The following CRYZL1 variants were observed in gnomAD, a reference collection of about 807,000 sequenced individuals.
The protein encoded by CRYZL1 is ferry endosomal RAB5 effector complex subunit 4.
CRYZL1 carries 34 observed loss-of-function variants against 50.6 expected under a neutral mutation model. The observed-to-expected ratio is 0.67, with a 90% confidence interval of 0.51 to 0.89. CRYZL1 has a LOEUF of 0.89. Ranked by LOEUF, CRYZL1 falls within the 40% of genes least tolerant of loss-of-function variation. The pLI is 0.00. For missense variants in CRYZL1, 354 were observed against 402.3 expected (o/e 0.88, Z 1.03); for synonymous variants, 125 against 134.3 (o/e 0.93, Z 0.48).
At chr21:33,596,685 A>C (rs1261478141) in intron 10 of CRYZL1, among the ~76,000 whole-genome samples, 1 of 151,922 alleles carries the variant, frequency 6.6e-6, no homozygotes, top group Non-Finnish European at 1.5e-5. Flanking sequence ...TTCGTAAGTC[A>C]CATGTCTAAA....
chr21:33,639,970 C>T lies in CRYZL1; in HGVS notation c.-7+1711G>A, dbSNP rs143668070. 1.4e-3 allele frequency: 610 copies of T among 443,486 alleles called. 5 individuals carry two copies. Among genetic ancestry groups the T allele is most frequent in the African/African-American group, 0.011 (553 of 48,364 alleles). 27.5% of individuals were successfully genotyped at this position (443,486 alleles called of 1,614,324 possible). A position where few individuals can be genotyped will look rare whatever the true frequency, so the allele number is the denominator to read the frequency against. On this transcript the variant is annotated intron_variant, in intron 1 of 12. Coordinates refer to ENST00000381554, the MANE Select transcript of CRYZL1 (RefSeq NM_145858.3). ...CCTCCTGAGTAGCTGGAATTACAGGCGTGCACCACCATGCCCGGCTAATTT... is the reference window on the plus strand; with the variant it reads ...CCTCCTGAGTAGCTGGAATTACAGGTGTGCACCACCATGCCCGGCTAATTT...
At chr21:33,604,220 T>A (rs2145926276) in intron 6 of CRYZL1, among the ~76,000 whole-genome samples, 1 of 152,250 alleles carries the variant, frequency 6.6e-6, no homozygotes, top group Non-Finnish European at 1.5e-5. Context: ...CCAGGCGTGG[T>A]GGCGGGCGCC....
intron 11 of CRYZL1, among the ~76,000 whole-genome samples, chr21:33,593,166 G>GC (rs2086660412): frequency 6.6e-6 from 1 of 151,970 alleles, no homozygotes; most frequent in Admixed American, 6.6e-5. Context: ...GAGTGCAGTG[G>GC]CACGACCTCG....
chr21:33,609,860 G>A (rs1021443415), intron 6 of CRYZL1, among the ~76,000 whole-genome samples: 1 of 151,278 alleles, frequency 6.6e-6, no homozygotes, highest in African/African-American at 2.4e-5. Flanking sequence ...CTGCCACCAC[G>A]CCCGGCTAAT....
chr21:33,641,562 G>A (rs961805008), intron 1 of CRYZL1, 119 bp downstream of exon 1: 3 of 371,844 alleles, frequency 8.1e-6, no homozygotes, highest in African/African-American at 2.1e-5. Flanking sequence ...CAAGTCCCAG[G>A]TTAGGGTTCG....
chr21:33,600,800 T>C lies in CRYZL1; in HGVS notation c.577+1434A>G, dbSNP rs537487479. On this transcript the variant is annotated intron_variant, in intron 8 of 12. Coordinates refer to ENST00000381554, the MANE Select transcript of CRYZL1 (RefSeq NM_145858.3). ...GCCACCATGCCAGCTAATTTTTTTT[T>C]TGTATTTTTAATAGAGACAGGTTTC... 2.3e-4 allele frequency among the ~76,000 whole-genome samples: 35 copies of C among 151,104 alleles called. 1 individual carries two copies. Among genetic ancestry groups the C allele is most frequent in the African/African-American group, 7.5e-4 (31 of 41,156 alleles).
intron 4 of CRYZL1, among the ~76,000 whole-genome samples, chr21:33,618,192 G>A (rs1159061241): frequency 2.0e-5 from 3 of 151,984 alleles, no homozygotes; most frequent in Non-Finnish European, 4.4e-5. Context: ...GGGAGGCTGA[G>A]GCGGGAGGAT....
rs114952536 is a variant in CRYZL1 at position 33,605,486 on chromosome 21, A to G, written c.332-1949T>C. 7.8e-3 allele frequency among the ~76,000 whole-genome samples: 1,004 copies of G among 128,184 alleles called. 18 individuals are homozygous for G. Among genetic ancestry groups the G allele is most frequent in the African/African-American group, 0.029 (951 of 32,636 alleles). 84.1% of individuals were successfully genotyped at this position (128,184 alleles called of 152,430 possible). Reference sequence around the variant, plus strand: ...TTTCACTATTTAATTTTTGTTTTGTATTTATGTTGTACACTGATGTAATTT... The same window carrying G: ...TTTCACTATTTAATTTTTGTTTTGTGTTTATGTTGTACACTGATGTAATTT... On this transcript the variant is annotated intron_variant, in intron 6 of 12. Transcript: ENST00000381554.
chr21:33,627,415 T>C (rs1325874307), intron 2 of CRYZL1, among the ~76,000 whole-genome samples: 2 of 152,190 alleles, frequency 1.3e-5, no homozygotes, highest in Non-Finnish European at 2.9e-5. Flanking sequence ...TTTTAGGAGT[T>C]AGTGACAGAC....
intron 7 of CRYZL1, chr21:33,603,172 G>C: frequency 2.2e-6 from 1 of 462,464 alleles, no homozygotes; most frequent in Non-Finnish European, 3.9e-6. Flanking sequence ...AATAAAAATG[G>C]CTTGTCTTTT....
chr21:33,615,984 GGTTA>G (rs1569088321), intron 5 of CRYZL1, among the ~76,000 whole-genome samples: 1 of 152,102 alleles, frequency 6.6e-6, no homozygotes, highest in African/African-American at 2.4e-5. Context: ...ACATTGTGCA[GGTTA>G]GTTACATATG....
intron 11 of CRYZL1, chr21:33,595,009 C>A: frequency 4.8e-6 from 1 of 208,064 alleles, no homozygotes; most frequent in Non-Finnish European, 8.9e-6. Flanking sequence ...TTTTTTTTAT[C>A]CAATACATTA....
intron 2 of CRYZL1, among the ~76,000 whole-genome samples, chr21:33,627,093 G>A (rs888240669): frequency 6.6e-6 from 1 of 152,174 alleles, no homozygotes; most frequent in African/African-American, 2.4e-5. Context: ...ATCAACCCCT[G>A]ACCCTCATCC....
At chr21:33,598,771 C>A in intron 9 of CRYZL1, among the ~76,000 whole-genome samples, 1 of 150,934 alleles carries the variant, frequency 6.6e-6, no homozygotes, top group East Asian at 1.9e-4. Context: ...AACACAAATT[C>A]GTAACTTTCT....
chr21:33,598,606 AC>A (rs896340519), intron 9 of CRYZL1, among the ~76,000 whole-genome samples: 2 of 152,204 alleles, frequency 1.3e-5, no homozygotes, highest in Non-Finnish European at 2.9e-5. Flanking sequence ...AGCAGATGGG[AC>A]TGAAAAGGCA....
chr21:33,600,010 T>TG (rs2086734822), intron 8 of CRYZL1, among the ~76,000 whole-genome samples: 1 of 152,130 alleles, frequency 6.6e-6, no homozygotes, highest in South Asian at 2.1e-4. Flanking sequence ...ACAGATGATA[T>TG]GCTCATCTTT....
At chr21:33,610,019 T>A (rs907590254) in intron 6 of CRYZL1, among the ~76,000 whole-genome samples, 3 of 150,446 alleles carry the variant, frequency 2.0e-5, no homozygotes, top group Admixed American at 1.3e-4. Context: ...TTTTTTTTTT[T>A]ACAAAATTTT....
At position 33,603,497 on chromosome 21, in the gene CRYZL1, T is replaced by A; in HGVS notation, c.372A>T (p.Gly124=). ...AGGCACGCACTCCATCCCGAATGCTTCCTGCTGCTTCCGTCCATGTGACCT... is the reference window on the plus strand; with the variant it reads ...AGGCACGCACTCCATCCCGAATGCTACCTGCTGCTTCCGTCCATGTGACCT... The part of the protein sequence containing the change: ...PEKVTWTEAA[G]SIRDGVRAYT... Residue 124 remains glycine, a synonymous_variant, in exon 7 of 13, where the codon GGA becomes GGT. Transcript: ENST00000381554. 1 of 1,614,174 alleles carries A rather than the reference T, an allele frequency of 6.2e-7. No homozygotes were observed.
chr21:33,637,788 T>TATATATATATATATATATATAC (rs1491462371), intron 1 of CRYZL1, among the ~76,000 whole-genome samples: 1 of 117,208 alleles, frequency 8.5e-6, no homozygotes, highest in African/African-American at 3.1e-5. Context: ...TATATATATA[T>TATATATATATATATATATATAC]ACACACACAC....
Sources: allele counts gnomAD v4.1 joint callset (sites outside exome capture counted in the v4.1 genomes callset), GRCh38; gene constraint gnomAD v4.1.1; transcripts MANE v1.5; gene names NCBI Gene and HGNC (gene_info 2026-07-23, HGNC 2026-07-21).